Variants in TMEM131L observed in about 807,000 individuals in gnomAD.
TMEM131L encodes transmembrane 131 like, also known as transmembrane protein 131-like.
A neutral mutation model predicts 192.2 loss-of-function variants in TMEM131L; 54 were observed. The observed-to-expected ratio is 0.28, with a 90% CI of 0.23 to 0.35. TMEM131L has a LOEUF of 0.35. Ranked by LOEUF, TMEM131L falls within the 10% of genes least tolerant of loss-of-function variation. The pLI is 1.00. For synonymous variants in TMEM131L, 701 were observed against 704.9 expected (o/e 0.99, Z 0.09); for missense variants, 1,888 against 1,972.9 (o/e 0.96, Z 0.82).
chr4:153,583,490 C>T, intron 10 of TMEM131L, 74 bp from the exon 11 acceptor site: 1 of 1,039,338 alleles, frequency 9.6e-7, no homozygotes, highest in East Asian at 2.4e-5. Flanking sequence ...GCTATTTATT[C>T]TAACGGTTCA....
At chr4:153,588,637 G>A (rs554961305) in intron 15 of TMEM131L, among the ~76,000 whole-genome samples, 2 of 152,122 alleles carry the variant, frequency 1.3e-5, no homozygotes, top group African/African-American at 2.4e-5. Flanking sequence ...GTATTCATGA[G>A]CCATGTGTCT....
intron 3 of TMEM131L, among the ~76,000 whole-genome samples, chr4:153,542,996 G>A (rs1736907526): frequency 6.6e-6 from 1 of 152,176 alleles, no homozygotes; most frequent in Admixed American, 6.5e-5. Flanking sequence ...CCATCAACAC[G>A]CTGGGCTGCT....
chr4:153,626,345 G>A, intron 30 of TMEM131L, 120 bp downstream of exon 30: 2 of 642,030 alleles, frequency 3.1e-6, no homozygotes, highest in South Asian at 4.0e-5. Flanking sequence ...TTTTAAAGAT[G>A]CAGGAAAGTA....
chr4:153,534,579 G>A (rs1736166647), intron 3 of TMEM131L, among the ~76,000 whole-genome samples: 1 of 152,076 alleles, frequency 6.6e-6, no homozygotes, highest in South Asian at 2.1e-4. Flanking sequence ...GACTACAGGC[G>A]TGTGCTACCA....
chr4:153,466,483 T>C lies in TMEM131L; in HGVS notation c.86T>C (p.Leu29Pro). Reference protein sequence around the residue: ...VNLLLGVFQVLLPCCRPGGAQ... With the variant: ...VNLLLGVFQVPLPCCRPGGAQ... The stretch of plus-strand genomic sequence containing the variant: ...CTCCTGCTGGGCGTCTTCCAGGTCC[T>C]GCTGCCCTGCTGTCGCCCGGGAGGG... Residue 29 changes from leucine to proline, a missense_variant, in exon 1 of 35, where the codon CTG becomes CCG. Coordinates refer to ENST00000409959, the MANE Select transcript of TMEM131L (RefSeq NM_001131007.2). 7.1e-7 allele frequency: 1 copy of C among 1,414,956 alleles called. No homozygotes were observed. Among genetic ancestry groups the C allele is most frequent in the Non-Finnish European group, 9.3e-7 (1 of 1,075,660 alleles). The allele number at this position is 1,414,956 out of a possible 1,614,324, so 87.7% of individuals were successfully genotyped here. A position where few individuals can be genotyped will look rare whatever the true frequency, so the allele number is the denominator to read the frequency against.
At chr4:153,552,175 C>T (rs527573866) in intron 4 of TMEM131L, among the ~76,000 whole-genome samples, 8 of 151,918 alleles carry the variant, frequency 5.3e-5, no homozygotes, top group South Asian at 2.1e-4. Flanking sequence ...ATCATGCCAC[C>T]GAGTTCTAGC....
In TMEM131L at chr4:153,585,500, G is replaced by A. The variant is rs757527221; in HGVS notation, c.1200G>A (p.Glu400=). 1.9e-6 allele frequency: 3 copies of A among 1,613,894 alleles called. No individual in the cohort carries two copies. The highest frequency in any genetic ancestry group is 2.5e-6 in the Non-Finnish European group (3 of 1,179,940). ...CTTCTGCAACCCAGTTTCACATAGA[G>A]ACTCATGAGAACACATCAGGACTTT... ...MDSSATQFHI[E]THENTSGLWS... Residue 400 remains glutamate (E), a synonymous_variant, in exon 13 of 35, where the codon GAG becomes GAA. Transcript: ENST00000409959.
intron 15 of TMEM131L, 43 bp downstream of exon 15, chr4:153,587,854 G>A (rs1334799835): frequency 7.3e-7 from 1 of 1,370,188 alleles, no homozygotes; most frequent in African/African-American, 1.4e-5. Context: ...CTCTAGTTTG[G>A]GGGATGGGAA....
chr4:153,488,042 G>GTT (rs1732483346), intron 3 of TMEM131L, among the ~76,000 whole-genome samples: 1 of 150,366 alleles, frequency 6.7e-6, no homozygotes, highest in African/African-American at 2.5e-5. Context: ...ACTGAGGGGT[G>GTT]TGTGTGTGTA....
rs1160924386 is a variant in TMEM131L, at chr4:153,593,837, G to T, written c.1961G>T (p.Gly654Val). ...ATGCAGATGATTAATTTCACAACTGGTGAATTCCAGCTCACCGAAGCTTGC... is the reference window on the plus strand; with the variant it reads ...ATGCAGATGATTAATTTCACAACTGTTGAATTCCAGCTCACCGAAGCTTGC... Reference protein sequence around the residue: ...TDMQMINFTTGEFQLTEACPY... With the variant: ...TDMQMINFTTVEFQLTEACPY... Residue 654 changes from glycine to valine, a missense_variant, in exon 19 of 35, where the codon GGT (glycine) becomes GTT (valine). Transcript: ENST00000409959. 1 of 1,613,570 alleles carries T rather than the reference G, an allele frequency of 6.2e-7. No individual in the cohort carries two copies. The highest frequency in any genetic ancestry group is 8.5e-7 in the Non-Finnish European group (1 of 1,179,620).
At chr4:153,479,868 G>GC (rs1731797715) in intron 3 of TMEM131L, among the ~76,000 whole-genome samples, 1 of 152,166 alleles carries the variant, frequency 6.6e-6, no homozygotes, top group Admixed American at 6.5e-5. Context: ...ACATTTCAGA[G>GC]CCCCCACAGG....
intron 3 of TMEM131L, among the ~76,000 whole-genome samples, chr4:153,514,728 G>A (rs1228791271): frequency 1.3e-5 from 2 of 151,764 alleles, no homozygotes; most frequent in African/African-American, 2.4e-5. Flanking sequence ...AAAATATAAA[G>A]AAGAAAAATA....
chr4:153,527,874 C>T (rs746927372), intron 3 of TMEM131L, among the ~76,000 whole-genome samples: 13 of 152,164 alleles, frequency 8.5e-5, no homozygotes, highest in Non-Finnish European at 1.5e-4. Context: ...CCTTTTACTG[C>T]GACCTGCCTC....
At chr4:153,533,348 G>T (rs973319424) in intron 3 of TMEM131L, among the ~76,000 whole-genome samples, 2 of 152,216 alleles carry the variant, frequency 1.3e-5, no homozygotes, top group Admixed American at 6.5e-5. Flanking sequence ...GGGGGACTGC[G>T]TGTGGGAGTG....
chr4:153,501,361 C>T (rs554913961), intron 3 of TMEM131L, among the ~76,000 whole-genome samples: 7 of 152,186 alleles, frequency 4.6e-5, no homozygotes, highest in African/African-American at 1.4e-4. Flanking sequence ...CCACCACACC[C>T]GGCTAATTTT....
chr4:153,518,710 G>A (rs765691421), intron 3 of TMEM131L, among the ~76,000 whole-genome samples: 1 of 152,134 alleles, frequency 6.6e-6, no homozygotes, highest in Non-Finnish European at 1.5e-5. Flanking sequence ...ATAGGCTCTC[G>A]TATATGTTGG....
At chr4:153,622,802 C>G in intron 28 of TMEM131L, 96 bp from the exon 29 acceptor site, 4 of 1,198,800 alleles carry the variant, frequency 3.3e-6, no homozygotes, top group Non-Finnish European at 4.9e-6. Context: ...GAAGGTGAAC[C>G]TGGCCCTACT....
intron 7 of TMEM131L, among the ~76,000 whole-genome samples, chr4:153,575,221 C>T (rs1332049858): frequency 6.6e-6 from 1 of 152,200 alleles, no homozygotes; most frequent in Non-Finnish European, 1.5e-5. Flanking sequence ...CCAAATCACA[C>T]CCTTCTTGTG....
rs746054517 is a variant in TMEM131L, at chr4:153,602,698, A to T, written c.2610A>T (p.Ser870=). The stretch of plus-strand genomic sequence containing the variant: ...TTCCAGGACCCAGCTGGGAGGAGTC[A>T]TTTTGGAGGCTCACGGTCTTCTTTG... ...DVVPGPSWEE[S]FWRLTVFFVS... Residue 870 remains serine (S), a synonymous_variant, in exon 23 of 35, where the codon TCA becomes TCT. Coordinates refer to ENST00000409959, the MANE Select transcript of TMEM131L (RefSeq NM_001131007.2). The T allele has an allele frequency of 3.1e-6, 5 of 1,614,016 alleles. No individual in the cohort carries two copies. Among genetic ancestry groups the T allele is most frequent in the Non-Finnish European group, 4.2e-6 (5 of 1,179,942 alleles).
Sources: gnomAD v4.1 joint callset for allele counts (sites outside exome capture counted in the v4.1 genomes callset) on GRCh38, gnomAD v4.1.1 for gene constraint, MANE v1.5 for transcripts, NCBI Gene and HGNC (gene_info 2026-07-23, HGNC 2026-07-21) for gene names.